Variants in CUL3 observed in about 807,000 individuals in gnomAD.
CUL3 encodes the protein cullin-3.
A neutral mutation model predicts 89.1 loss-of-function variants in CUL3; 19 were observed. The ratio of observed to expected loss-of-function variants is 0.21; its 90% confidence interval spans 0.15 to 0.31. The LOEUF is 0.31. CUL3 is among the 10% of genes least tolerant of loss of function. CUL3 has a pLI of 1.00. For missense variants in CUL3, 469 were observed against 942.3 expected, an observed-to-expected ratio of 0.50 and a Z score of 6.58; for synonymous variants, 351 against 308.4, an observed-to-expected ratio of 1.14 and a Z score of -1.45.
At chr2:224,535,060 A>G (rs1027058747) in intron 3 of CUL3, among the ~76,000 whole-genome samples, 2 of 149,580 alleles carry the variant, frequency 1.3e-5, no homozygotes, top group African/African-American at 4.9e-5. Flanking sequence ...AAATAAATAA[A>G]GATTTTTATT....
intron 12 of CUL3, 136 bp from the exon 13 acceptor site, chr2:224,496,102 C>T (rs1010897668): frequency 2.3e-6 from 2 of 857,168 alleles, no homozygotes; most frequent in Non-Finnish European, 3.5e-6. Flanking sequence ...GCAAACACAG[C>T]TCACTGCAGC....
At chr2:224,522,972 T>C (rs1693323504) in intron 3 of CUL3, among the ~76,000 whole-genome samples, 1 of 152,244 alleles carries the variant, frequency 6.6e-6, no homozygotes, top group Non-Finnish European at 1.5e-5. Context: ...TAAAGTTGTG[T>C]AAACTGCAAT....
chr2:224,552,577 G>A (rs1694555442), intron 2 of CUL3, among the ~76,000 whole-genome samples: 1 of 152,186 alleles, frequency 6.6e-6, no homozygotes, highest in Non-Finnish European at 1.5e-5. Flanking sequence ...GTCATCTGCT[G>A]TCTGGTAGTC....
At chr2:224,482,417 T>G (rs114811222) in intron 13 of CUL3, among the ~76,000 whole-genome samples, 379 of 152,260 alleles carry the variant, frequency 2.5e-3, no homozygotes, top group African/African-American at 8.8e-3. Flanking sequence ...ATATAATTGC[T>G]AATTTTATAA....
chr2:224,489,550 G>A (rs908226323), intron 13 of CUL3, among the ~76,000 whole-genome samples: 5 of 152,154 alleles, frequency 3.3e-5, no homozygotes, highest in African/African-American at 1.2e-4. Context: ...TAAAAAGGAC[G>A]TGAAGGATCT....
At chr2:224,518,516 T>G (rs956179676) in intron 3 of CUL3, among the ~76,000 whole-genome samples, 8 of 152,182 alleles carry the variant, frequency 5.3e-5, no homozygotes, top group Non-Finnish European at 1.0e-4. Context: ...TGTATGGAAA[T>G]TATCAAACTT....
rs1251118952 is a variant in CUL3, at chr2:224,473,485, T to A, written c.*760A>T. On this transcript the variant is annotated 3_prime_UTR_variant, in exon 16 of 16. Transcript: ENST00000264414. Reference sequence around the variant, plus strand: ...ACCCTATACAATCCACTATTAGCAGTGAGTACAACAGCAAAAAAATTATTG... The same window carrying A: ...ACCCTATACAATCCACTATTAGCAGAGAGTACAACAGCAAAAAAATTATTG... 1 of 183,350 alleles carries A rather than the reference T, an allele frequency of 5.5e-6. No individual in the cohort carries two copies. The highest frequency in any genetic ancestry group is 8.9e-5 in the East Asian group (1 of 11,254). The allele number at this position is 183,350 out of a possible 1,614,324, so 11.4% of individuals were successfully genotyped here.
chr2:224,535,053 T>G (rs975548107), intron 3 of CUL3, among the ~76,000 whole-genome samples: 1 of 141,246 alleles, frequency 7.1e-6, no homozygotes, highest in Non-Finnish European at 1.5e-5. Flanking sequence ...AATAAATAAA[T>G]AAATAAAGAT....
At chr2:224,581,977 T>A (rs904565143) in intron 1 of CUL3, among the ~76,000 whole-genome samples, 1 of 152,028 alleles carries the variant, frequency 6.6e-6, no homozygotes. Flanking sequence ...ACAATTTTTT[T>A]TTTTGAGACA....
rs1401248374 is a variant in CUL3, at chr2:224,472,397, C to T, written c.*1848G>A. On this transcript the variant is annotated 3_prime_UTR_variant, in exon 16 of 16. Transcript: ENST00000264414. ...TCCTGTTTTCCCAGGTGTTAAATAT[C>T]ATTTAACTGGGAAATGAAAGCAATA... is the stretch of plus-strand genomic sequence containing the variant. 1 of 206,004 alleles carries T rather than the reference C, an allele frequency of 4.9e-6. No individual in the cohort carries two copies. 12.8% of individuals were successfully genotyped at this position (206,004 alleles called of 1,614,324 possible).
At chr2:224,575,605 A>G (rs1695281322) in intron 1 of CUL3, among the ~76,000 whole-genome samples, 2 of 152,238 alleles carry the variant, frequency 1.3e-5, no homozygotes, top group African/African-American at 4.8e-5. Context: ...GCATTTATGT[A>G]TAATGCTTAT....
At chr2:224,475,536 A>G (rs978782120) in intron 15 of CUL3, among the ~76,000 whole-genome samples, 1 of 152,178 alleles carries the variant, frequency 6.6e-6, no homozygotes, top group African/African-American at 2.4e-5. Flanking sequence ...CAAAGCCACA[A>G]TGGATTGATA....
chr2:224,521,031 CAAATAA>C (rs1693240208), intron 3 of CUL3, among the ~76,000 whole-genome samples: 1 of 152,070 alleles, frequency 6.6e-6, no homozygotes, highest in Admixed American at 6.6e-5. Flanking sequence ...ACAAACAAAT[CAAATAA>C]AAAGTTAAAA....
At chr2:224,534,949 C>T (rs937843076) in intron 3 of CUL3, among the ~76,000 whole-genome samples, 1 of 151,036 alleles carries the variant, frequency 6.6e-6, no homozygotes, top group African/African-American at 2.4e-5. Context: ...TGCAGTGAGC[C>T]GAGATCATGC....
rs146651940 is a variant in CUL3, at chr2:224,515,535, A to G, written c.379-763T>C. ...GTGAGCCTTCTAAAATTATTAAGTT[A>G]TATGTTTGTTCACGCTTAAGTACTT... is the stretch of plus-strand genomic sequence containing the variant. On this transcript the variant is annotated intron_variant, in intron 3 of 15. Transcript: ENST00000264414. Among the ~76,000 whole-genome samples the G allele has an allele frequency of 5.7e-4, 87 of 152,300 alleles. 1 individual carries two copies. Among genetic ancestry groups the G allele is most frequent in the African/African-American group, 2.0e-3 (83 of 41,550 alleles).
At position 224,485,726 on chromosome 2, in the gene CUL3, C is replaced by T. The variant is rs1193091998; in HGVS notation, c.1843-3648G>A. Among the ~76,000 whole-genome samples, 1 of 152,232 alleles carries T rather than the reference C, an allele frequency of 6.6e-6. No homozygotes were observed. Among genetic ancestry groups the T allele is most frequent in the Non-Finnish European group, 1.5e-5 (1 of 68,046 alleles). Reference sequence around the variant, plus strand: ...TCTTGCCTGCTGGCTCTGAAGAGAGCAGTGGATCCCACAGCGCAGCACTCC... The same window carrying T: ...TCTTGCCTGCTGGCTCTGAAGAGAGTAGTGGATCCCACAGCGCAGCACTCC... On this transcript the variant is annotated intron_variant, in intron 13 of 15. Coordinates refer to ENST00000264414, the MANE Select transcript of CUL3 (RefSeq NM_003590.5). The surrounding 1 kb of genome is among the most constrained non-coding windows in gnomAD (Gnocchi z 4.1).
intron 13 of CUL3, among the ~76,000 whole-genome samples, chr2:224,482,532 A>G (rs571455442): frequency 1.3e-5 from 2 of 152,182 alleles, no homozygotes; most frequent in African/African-American, 4.8e-5. Context: ...CTTCTACCAT[A>G]CAATCAAAAT....
chr2:224,507,194 A>G (rs1692634146), intron 6 of CUL3, among the ~76,000 whole-genome samples, 191 bp from the exon 7 acceptor site: 1 of 152,216 alleles, frequency 6.6e-6, no homozygotes, highest in African/African-American at 2.4e-5. Flanking sequence ...TTATTATTGT[A>G]ATTTATAAAA....
chr2:224,533,304 C>T (rs1693760530), intron 3 of CUL3, among the ~76,000 whole-genome samples: 1 of 152,060 alleles, frequency 6.6e-6, no homozygotes, highest in Non-Finnish European at 1.5e-5. Context: ...TGGGCCAAGC[C>T]CTACAAGTGG....
Sources: allele counts gnomAD v4.1 joint callset (sites outside exome capture counted in the v4.1 genomes callset), GRCh38; gene constraint gnomAD v4.1.1; non-coding constraint Gnocchi (gnomAD v3.1); transcripts MANE v1.5; gene names NCBI Gene and HGNC (gene_info 2026-07-23, HGNC 2026-07-21).